Variants in IRAK1BP1 observed in about 807,000 individuals in gnomAD.
IRAK1BP1 encodes the protein interleukin 1 receptor associated kinase 1 binding protein 1.
In IRAK1BP1, 24 loss-of-function variants were observed where a neutral mutation model predicts 28.0. The observed-to-expected ratio is 0.86, with a 90% CI of 0.62 to 1.20. IRAK1BP1 has a LOEUF of 1.20. IRAK1BP1 is among the 50% of genes most tolerant of loss of function. IRAK1BP1 has a pLI of 0.00. For missense variants in IRAK1BP1, 336 were observed against 316.7 expected, an observed-to-expected ratio of 1.06 and a Z score of -0.46; for synonymous variants, 131 against 116.3, an observed-to-expected ratio of 1.13 and a Z score of -0.81.
chr6:78,963,727 T>G, the IRAK1BP1 span, among the ~76,000 whole-genome samples: 3 of 152,204 alleles, frequency 2.0e-5, no homozygotes, highest in Non-Finnish European at 4.4e-5. Context: ...ACTCATAAAT[T>G]ATGAAGGTAT....
At chr6:78,918,578 TAAAAA>T (rs58669467) in intron 4 of IRAK1BP1, among the ~76,000 whole-genome samples, 17 of 66,800 alleles carry the variant, frequency 2.5e-4, no homozygotes, top group East Asian at 1.7e-3. Context: ...CCAAAAACAG[TAAAAA>T]AAAAAAAAAA....
At chr6:78,957,153 A>G in the IRAK1BP1 span, 1 of 152,088 alleles carries the variant, frequency 6.6e-6, no homozygotes, top group Non-Finnish European at 1.5e-5. Context: ...ATTTCAAAGT[A>G]GCCGTTTGAA....
At chr6:78,961,914 C>G in the IRAK1BP1 span, 1,349 of 794,250 alleles carry the variant, frequency 1.7e-3, 22 homozygotes, top group African/African-American at 0.021. Flanking sequence ...TCTACATAAT[C>G]ATTAGTCTGC....
intron 3 of IRAK1BP1, 25 bp from the exon 4 acceptor site, chr6:78,898,039 A>G (rs895530529): frequency 1.2e-6 from 2 of 1,604,978 alleles, no homozygotes; most frequent in African/African-American, 2.7e-5. Context: ...TGTCATATTA[A>G]TAATCTCTCC....
At chr6:78,881,351 TAAC>T (rs1771220472) in intron 1 of IRAK1BP1, among the ~76,000 whole-genome samples, 1 of 152,172 alleles carries the variant, frequency 6.6e-6, no homozygotes, top group Non-Finnish European at 1.5e-5. Context: ...GATTAGTGGT[TAAC>T]AATCTGTTGG....
chr6:78,907,684 T>A (rs137958770), downstream of IRAK1BP1, among the ~76,000 whole-genome samples: 1 of 152,306 alleles, frequency 6.6e-6, no homozygotes, highest in Non-Finnish European at 1.5e-5. Context: ...TTAGATGTTT[T>A]GCTTAGTAAC....
At position 78,897,909 on chromosome 6, in the gene IRAK1BP1, CA is replaced by C; in HGVS notation, c.463del (p.Ile155SerfsTer43). 6.2e-7 allele frequency: 1 copy of C among 1,614,020 alleles called. No individual in the cohort carries two copies. The highest frequency in any genetic ancestry group is 8.5e-7 in the Non-Finnish European group (1 of 1,179,940). ...LVEKLDSSVVISPPQFYHTPG... is the reference protein window; with the variant it reads ...LVEKLDSSVVXSPPQFYHTPG... ...TTGAAAAGCTAGATAGCTCTGTTGT[CA>C]TCAGCCCACCCCAGTTCTATCATAC... On this transcript the variant is annotated frameshift_variant, in exon 3 of 4. Transcript: ENST00000369940. LOFTEE classifies it high-confidence loss of function.
At position 78,899,222 on chromosome 6, in the gene IRAK1BP1, G is replaced by C. The variant is rs1772013815; in HGVS notation, c.*888G>C. On this transcript the variant is annotated 3_prime_UTR_variant, in exon 4 of 4. Coordinates refer to ENST00000369940, the MANE Select transcript of IRAK1BP1 (RefSeq NM_001010844.4). ...CACTCAAAACTCAATACTGAGAAAT[G>C]GCCCAGGTAAAGAACAGCCAAGGTC... The C allele has an allele frequency of 6.6e-6, 1 of 152,100 alleles. No individual in the cohort carries two copies. The highest frequency in any genetic ancestry group is 1.5e-5 in the Non-Finnish European group (1 of 68,032). 9.4% of individuals were successfully genotyped at this position (152,100 alleles called of 1,614,324 possible). A position where few individuals can be genotyped will look rare whatever the true frequency, so the allele number is the denominator to read the frequency against.
At chr6:78,966,228 A>G in the IRAK1BP1 span, among the ~76,000 whole-genome samples, 1 of 152,346 alleles carries the variant, frequency 6.6e-6, no homozygotes, top group African/African-American at 2.4e-5. Flanking sequence ...AAGAGAAAAA[A>G]GGAATTTAGT....
At chr6:78,932,921 T>C (rs1288722969) in intron 4 of IRAK1BP1, among the ~76,000 whole-genome samples, 1 of 152,254 alleles carries the variant, frequency 6.6e-6, no homozygotes. Context: ...ATTTTTTTTC[T>C]GGAAAGCAGG....
In IRAK1BP1 at chr6:78,900,986, T is replaced by A. The variant is rs774381987; in HGVS notation, c.*2652T>A. ...AACCAATGTAACATATGTTGAATTTTTATTACCAAAAAGAAGTTACTATCC... is the reference window on the plus strand; with the variant it reads ...AACCAATGTAACATATGTTGAATTTATATTACCAAAAAGAAGTTACTATCC... On this transcript the variant is annotated 3_prime_UTR_variant, in exon 4 of 4. Coordinates refer to ENST00000369940, the MANE Select transcript of IRAK1BP1 (RefSeq NM_001010844.4). The A allele has an allele frequency of 3.3e-5, 5 of 152,106 alleles. No individual in the cohort carries two copies. Among genetic ancestry groups the A allele is most frequent in the African/African-American group, 7.2e-5 (3 of 41,428 alleles). 9.4% of individuals were successfully genotyped at this position (152,106 alleles called of 1,614,324 possible).
chr6:78,884,613 A>G (rs551382611), intron 1 of IRAK1BP1, among the ~76,000 whole-genome samples: 2 of 152,246 alleles, frequency 1.3e-5, no homozygotes, highest in African/African-American at 2.4e-5. Context: ...TACTTGATAT[A>G]CAACTTCTCA....
intron 1 of IRAK1BP1, among the ~76,000 whole-genome samples, chr6:78,869,735 T>C (rs984940987): frequency 1.3e-5 from 2 of 152,198 alleles, no homozygotes; most frequent in Non-Finnish European, 2.9e-5. Context: ...TTTTAAACTT[T>C]AGAATTCTGA....
exon 5 of IRAK1BP1, chr6:78,946,096 A>G: frequency 6.2e-7 from 1 of 1,613,852 alleles, no homozygotes; most frequent in Non-Finnish European, 8.5e-7. Flanking sequence ...TGGATCTACA[A>G]CCACTCGGTT....
At chr6:78,952,145 C>T in the IRAK1BP1 span, among the ~76,000 whole-genome samples, 1 of 152,128 alleles carries the variant, frequency 6.6e-6, no homozygotes, top group Non-Finnish European at 1.5e-5. Flanking sequence ...GGCCATCGGG[C>T]ATGGTGGCTT....
the IRAK1BP1 span, chr6:78,958,406 A>G: frequency 9.9e-7 from 1 of 1,008,190 alleles, no homozygotes; most frequent in Non-Finnish European, 1.5e-6. Context: ...TATGTTTTCT[A>G]TTTTAAGAGG....
chr6:78,905,881 G>A (rs1048867509), downstream of IRAK1BP1, among the ~76,000 whole-genome samples: 3 of 152,202 alleles, frequency 2.0e-5, no homozygotes, highest in East Asian at 3.9e-4. Context: ...GATTACAGGC[G>A]TGAGCCACCG....
At chr6:78,918,927 C>T (rs1772645183) in intron 4 of IRAK1BP1, among the ~76,000 whole-genome samples, 1 of 152,184 alleles carries the variant, frequency 6.6e-6, no homozygotes, top group Non-Finnish European at 1.5e-5. Context: ...ATGAAGCATA[C>T]TCCAAGATTG....
At chr6:78,950,064 A>G (rs1475414177), downstream of IRAK1BP1, among the ~76,000 whole-genome samples, 3 of 152,058 alleles carry the variant, frequency 2.0e-5, no homozygotes, top group East Asian at 1.9e-4. Context: ...TGACTTTACC[A>G]TAACCAAAAT....
Sources: gnomAD v4.1 joint callset for allele counts (sites outside exome capture counted in the v4.1 genomes callset) on GRCh38, gnomAD v4.1.1 for gene constraint, MANE v1.5 for transcripts, NCBI Gene and HGNC (gene_info 2026-07-23, HGNC 2026-07-21) for gene names.